The following MAP4K3 variants were observed in gnomAD, a reference collection of about 807,000 sequenced individuals.
The protein encoded by MAP4K3 is MAPK/ERK kinase kinase kinase 3.
Under a neutral mutation model 143.5 loss-of-function variants are expected in MAP4K3, and 94 were observed. The ratio of observed to expected loss-of-function variants is 0.65; its 90% CI spans 0.55 to 0.78. The LOEUF (loss-of-function observed/expected upper bound fraction) is 0.78. MAP4K3 is among the 30% of genes least tolerant of loss of function. The pLI is 0.00. For synonymous variants in MAP4K3, 416 were observed against 347.2 expected (o/e 1.20, Z -2.20); for missense variants, 1,077 against 1,068.1 (o/e 1.01, Z -0.12).
intron 6 of MAP4K3, among the ~76,000 whole-genome samples, chr2:39,335,353 G>C (rs1234320506): frequency 6.6e-6 from 1 of 152,116 alleles, no homozygotes; most frequent in Admixed American, 6.5e-5. Flanking sequence ...AAGACCACAT[G>C]ATATAATATT....
chr2:39,412,777 A>G (rs1263320964), intron 1 of MAP4K3, among the ~76,000 whole-genome samples: 2 of 152,174 alleles, frequency 1.3e-5, no homozygotes, highest in Non-Finnish European at 2.9e-5. Context: ...ATCATTAACT[A>G]TTCTCGTCTT....
chr2:39,267,753 G>C (rs750233710), intron 26 of MAP4K3, among the ~76,000 whole-genome samples: 1 of 151,012 alleles, frequency 6.6e-6, no homozygotes, highest in Non-Finnish European at 1.5e-5. Flanking sequence ...AATGGGTTAA[G>C]GGTTTAAATA....
At chr2:39,258,120 CG>C (rs771550360) in intron 31 of MAP4K3, among the ~76,000 whole-genome samples, 42 of 152,110 alleles carry the variant, frequency 2.8e-4, no homozygotes, top group Non-Finnish European at 5.1e-4. Flanking sequence ...TTAGTAGACA[CG>C]GGGTTTCACC....
At chr2:39,387,187 T>A (rs1367038808) in intron 1 of MAP4K3, among the ~76,000 whole-genome samples, 1 of 152,210 alleles carries the variant, frequency 6.6e-6, no homozygotes, top group Non-Finnish European at 1.5e-5. Context: ...CAACTTTTAC[T>A]TTTTCAAAGT....
intron 3 of MAP4K3, among the ~76,000 whole-genome samples, chr2:39,348,226 A>G (rs1161013863): frequency 6.6e-6 from 1 of 151,914 alleles, no homozygotes; most frequent in East Asian, 1.9e-4. Context: ...CGCTTTTTAT[A>G]TATTTCAATA....
At chr2:39,428,682 CA>C (rs145652216) in intron 1 of MAP4K3, among the ~76,000 whole-genome samples, 1 of 146,946 alleles carries the variant, frequency 6.8e-6, no homozygotes, top group Admixed American at 6.8e-5. Flanking sequence ...AACTCTGCCT[CA>C]AAAAAAAAAT....
chr2:39,341,256 GA>G (rs1240846199), intron 4 of MAP4K3, among the ~76,000 whole-genome samples: 1 of 152,116 alleles, frequency 6.6e-6, no homozygotes, highest in African/African-American at 2.4e-5. Flanking sequence ...TCAAAATGCT[GA>G]AAGAAAATAC....
At chr2:39,351,289 A>G (rs1039477888) in intron 3 of MAP4K3, among the ~76,000 whole-genome samples, 1 of 152,212 alleles carries the variant, frequency 6.6e-6, no homozygotes, top group Non-Finnish European at 1.5e-5. Flanking sequence ...AATTTTCTAT[A>G]CACATAAATA....
At chr2:39,426,854 A>G (rs189087648) in intron 1 of MAP4K3, among the ~76,000 whole-genome samples, 14 of 152,228 alleles carry the variant, frequency 9.2e-5, no homozygotes, top group African/African-American at 3.4e-4. Context: ...GAACTATAAC[A>G]AAGTTAAAGA....
intron 1 of MAP4K3, among the ~76,000 whole-genome samples, chr2:39,388,583 G>C (rs551292397): frequency 6.6e-6 from 1 of 152,144 alleles, no homozygotes; most frequent in Non-Finnish European, 1.5e-5. Flanking sequence ...CATAAAACCA[G>C]CAATGCCCTT....
chr2:39,324,566 T>C (rs1683426104), intron 12 of MAP4K3, among the ~76,000 whole-genome samples: 1 of 152,184 alleles, frequency 6.6e-6, no homozygotes, highest in South Asian at 2.1e-4. Flanking sequence ...GCTGGGACAA[T>C]GCTGAATTGA....
At chr2:39,318,692 C>A (rs913476694) in intron 12 of MAP4K3, among the ~76,000 whole-genome samples, 2 of 151,910 alleles carry the variant, frequency 1.3e-5, no homozygotes, top group African/African-American at 4.8e-5. Context: ...TTACATGCAA[C>A]GTGATTACAA....
chr2:39,358,719 T>C (rs950761928), intron 2 of MAP4K3, among the ~76,000 whole-genome samples: 51 of 152,018 alleles, frequency 3.4e-4, no homozygotes, highest in Admixed American at 3.2e-3. Context: ...AAAAGTAGAG[T>C]TTAATACATT....
In MAP4K3 at chr2:39,370,440, G is replaced by A. The variant is rs138014801; in HGVS notation, c.154+7626C>T. ...AGATAAATCATATCCCCAATGTTTC[G>A]CCACTCTATGATGAAAGATAAGGAG... On this transcript the variant is annotated intron_variant, in intron 2 of 33. Transcript: ENST00000263881. Among the ~76,000 whole-genome samples the A allele has an allele frequency of 1.4e-4, 22 of 152,158 alleles. No homozygotes were observed. In the East Asian group the frequency reaches 3.7e-3, roughly 25 times the overall value.
intron 21 of MAP4K3, chr2:39,283,577 T>A (rs1341111043): frequency 6.6e-6 from 1 of 152,068 alleles, no homozygotes; most frequent in Admixed American, 6.5e-5. Flanking sequence ...GTGTAGATAA[T>A]CTTCACCATG....
At chr2:39,403,082 A>G (rs1666992459) in intron 1 of MAP4K3, among the ~76,000 whole-genome samples, 1 of 152,226 alleles carries the variant, frequency 6.6e-6, no homozygotes, top group African/African-American at 2.4e-5. Context: ...CTCCAAACCC[A>G]GATGGCTTTG....
At chr2:39,389,720 C>G (rs966394627) in intron 1 of MAP4K3, among the ~76,000 whole-genome samples, 1 of 152,102 alleles carries the variant, frequency 6.6e-6, no homozygotes, top group Non-Finnish European at 1.5e-5. Flanking sequence ...CACTTTCTAA[C>G]AAACACCAAG....
At chr2:39,384,756 G>C (rs1351026434) in intron 1 of MAP4K3, among the ~76,000 whole-genome samples, 5 of 152,166 alleles carry the variant, frequency 3.3e-5, no homozygotes, top group Non-Finnish European at 5.9e-5. Flanking sequence ...AAAATTTGGA[G>C]TTTTTAATTT....
intron 1 of MAP4K3, among the ~76,000 whole-genome samples, chr2:39,426,962 C>G (rs1348053780): frequency 6.6e-6 from 1 of 151,938 alleles, no homozygotes; most frequent in Non-Finnish European, 1.5e-5. Flanking sequence ...AGGAAATACG[C>G]TACTCTTCAG....
Sources: allele counts gnomAD v4.1 joint callset (sites outside exome capture counted in the v4.1 genomes callset), GRCh38; gene constraint gnomAD v4.1.1; transcripts MANE v1.5; gene names NCBI Gene and HGNC (gene_info 2026-07-23, HGNC 2026-07-21).